DDR2: variants seen among roughly 807,000 people sequenced by gnomAD.
DDR2 encodes the protein discoidin domain-containing receptor 2.
In DDR2, 27 loss-of-function variants were observed where a neutral mutation model predicts 94.9. The ratio of observed to expected loss-of-function variants is 0.28; its 90% CI spans 0.21 to 0.39. The LOEUF is 0.39. Among genes scored for constraint, DDR2 ranks in the 10% least tolerant of loss-of-function variants. The pLI is 1.00. For missense variants in DDR2, 783 were observed against 1,076.0 expected (o/e 0.73, Z 3.81); for synonymous variants, 382 against 377.2 (o/e 1.01, Z -0.15).
chr1:162,712,337 C>T (rs1660957240), intron 2 of DDR2, among the ~76,000 whole-genome samples: 1 of 151,370 alleles, frequency 6.6e-6, no homozygotes, highest in Admixed American at 6.6e-5. Context: ...ATAACTTACC[C>T]TTTCACCATG....
intron 2 of DDR2, among the ~76,000 whole-genome samples, chr1:162,692,160 T>A (rs910896787): frequency 1.3e-5 from 2 of 152,182 alleles, no homozygotes; most frequent in Non-Finnish European, 2.9e-5. Context: ...TGAGAGCACA[T>A]CCCTGCCTTG....
At chr1:162,670,997 T>C (rs185699205) in intron 2 of DDR2, among the ~76,000 whole-genome samples, 1 of 152,186 alleles carries the variant, frequency 6.6e-6, no homozygotes. Flanking sequence ...TTTCTTCATG[T>C]GCCAGGAGGT....
At chr1:162,696,332 C>G (rs1444715772) in intron 2 of DDR2, among the ~76,000 whole-genome samples, 2 of 151,994 alleles carry the variant, frequency 1.3e-5, no homozygotes, top group Non-Finnish European at 2.9e-5. Flanking sequence ...AGAGCCTCCC[C>G]TTTCTGAGGG....
chr1:162,748,279 A>T (rs1249692914), intron 3 of DDR2, among the ~76,000 whole-genome samples: 4 of 152,226 alleles, frequency 2.6e-5, no homozygotes, highest in Admixed American at 2.6e-4. Context: ...AGACACACAT[A>T]GGCTCAAAAT....
chr1:162,773,731 C>T (rs1428951901), intron 14 of DDR2, 135 bp downstream of exon 14: 2 of 1,219,924 alleles, frequency 1.6e-6, no homozygotes, highest in African/African-American at 3.0e-5. Flanking sequence ...CACTGTTATC[C>T]TTTTTCTTAT....
At chr1:162,644,815 C>T (rs1384602467) in intron 1 of DDR2, among the ~76,000 whole-genome samples, 6 of 152,092 alleles carry the variant, frequency 3.9e-5, no homozygotes, top group Non-Finnish European at 8.8e-5. Flanking sequence ...AGGCTGGTCT[C>T]GAACTCCTGA....
chr1:162,725,122 T>C (rs1192834874), intron 3 of DDR2, among the ~76,000 whole-genome samples: 1 of 152,112 alleles, frequency 6.6e-6, no homozygotes. Context: ...TTAAGTGGTG[T>C]CAACAAATTT....
intron 1 of DDR2, among the ~76,000 whole-genome samples, chr1:162,641,764 A>G (rs904809291): frequency 6.6e-6 from 1 of 152,304 alleles, no homozygotes. Flanking sequence ...TCATGGAAAA[A>G]ATGGCCTAAG....
intron 2 of DDR2, among the ~76,000 whole-genome samples, chr1:162,678,653 C>T (rs1227079991): frequency 1.3e-5 from 2 of 152,208 alleles, no homozygotes; most frequent in Non-Finnish European, 2.9e-5. Flanking sequence ...CCATGCTTGT[C>T]CTGGAGGGCA....
At chr1:162,651,844 C>T (rs558068061) in intron 1 of DDR2, among the ~76,000 whole-genome samples, 49 of 152,258 alleles carry the variant, frequency 3.2e-4, no homozygotes, top group African/African-American at 1.1e-3. Context: ...ATTCTACTTT[C>T]GTGTCAAGCT....
At chr1:162,686,329 C>A (rs935621847) in intron 2 of DDR2, among the ~76,000 whole-genome samples, 2 of 152,156 alleles carry the variant, frequency 1.3e-5, no homozygotes, top group African/African-American at 4.8e-5. Context: ...TTAAGCCCTG[C>A]ATGCATTAGG....
chr1:162,771,177 A>T (rs1338135837), intron 12 of DDR2, among the ~76,000 whole-genome samples: 1 of 152,208 alleles, frequency 6.6e-6, no homozygotes, highest in Non-Finnish European at 1.5e-5. Flanking sequence ...TCTTTCAAAA[A>T]ATGATGCAGA....
intron 3 of DDR2, chr1:162,741,671 G>T (rs937216608): frequency 3.0e-5 from 30 of 985,116 alleles, no homozygotes; most frequent in Non-Finnish European, 3.3e-5. Context: ...CTCCCCAGGA[G>T]GTGCCTGAGG....
intron 11 of DDR2, among the ~76,000 whole-genome samples, chr1:162,769,365 T>A (rs1350578326): frequency 6.6e-6 from 1 of 152,212 alleles, no homozygotes; most frequent in Non-Finnish European, 1.5e-5. Flanking sequence ...AGAACATTAC[T>A]TAACATAGCT....
At chr1:162,637,832 G>C (rs189266448) in intron 1 of DDR2, among the ~76,000 whole-genome samples, 70 of 152,188 alleles carry the variant, frequency 4.6e-4, no homozygotes, top group African/African-American at 1.7e-3. Flanking sequence ...AGTAAAAGAC[G>C]CAATTCTTGT....
intron 3 of DDR2, among the ~76,000 whole-genome samples, chr1:162,726,792 C>A (rs773988447): frequency 2.4e-4 from 36 of 152,024 alleles, no homozygotes; most frequent in Non-Finnish European, 4.9e-4. Context: ...CAGGAGCAGA[C>A]AAGGAGACAG....
rs565754006 is a variant in DDR2, at chr1:162,733,349, G to A, written c.82+14204G>A. Among the ~76,000 whole-genome samples, 328 of 152,232 alleles carry A rather than the reference G, an allele frequency of 2.2e-3. 1 individual carries two copies. The highest frequency in any genetic ancestry group is 3.8e-3 in the Non-Finnish European group (260 of 68,014). On this transcript the variant is annotated intron_variant, in intron 3 of 17. Coordinates refer to ENST00000367921, the MANE Select transcript of DDR2 (RefSeq NM_006182.4). ...TACCCAAAATAGGCACATTCAATGG[G>A]AAAACCACACTGGTACAGCTCAGAA...
chr1:162,635,363 A>G (rs1323002344), intron 1 of DDR2, among the ~76,000 whole-genome samples: 1 of 152,128 alleles, frequency 6.6e-6, no homozygotes. Context: ...GAGCTCTCAG[A>G]TATCCTTCCC....
intron 2 of DDR2, among the ~76,000 whole-genome samples, chr1:162,658,195 G>A (rs1426332611): frequency 6.6e-6 from 1 of 152,152 alleles, no homozygotes; most frequent in Non-Finnish European, 1.5e-5. Context: ...CTGGTCGGAG[G>A]TCCTGGTTTT....
Sources: gnomAD v4.1 joint callset for allele counts (sites outside exome capture counted in the v4.1 genomes callset) on GRCh38, gnomAD v4.1.1 for gene constraint, MANE v1.5 for transcripts, NCBI Gene and HGNC (gene_info 2026-07-23, HGNC 2026-07-21) for gene names.